Variants in MARCHF3 observed in about 807,000 individuals in gnomAD.
MARCHF3 encodes the protein E3 ubiquitin-protein ligase MARCHF3.
MARCHF3 carries 13 observed loss-of-function variants against 24.2 expected under a neutral mutation model. The observed-to-expected ratio is 0.54, with a 90% CI of 0.35 to 0.85. The LOEUF (loss-of-function observed/expected upper bound fraction) is 0.85. Among genes scored for constraint, MARCHF3 ranks in the 40% least tolerant of loss-of-function variants. The pLI is 0.01. For synonymous variants in MARCHF3, 144 were observed against 137.3 expected, an observed-to-expected ratio of 1.05 and a Z score of -0.34; for missense variants, 276 against 325.0, an observed-to-expected ratio of 0.85 and a Z score of 1.16.
At chr5:126,901,672 T>C (rs942593931) in intron 3 of MARCHF3, among the ~76,000 whole-genome samples, 2 of 152,134 alleles carry the variant, frequency 1.3e-5, no homozygotes, top group African/African-American at 4.8e-5. Context: ...TGTGGAGGGC[T>C]GGCAGGAGCC....
chr5:126,898,811 A>G, intron 3 of MARCHF3: 1 of 972,384 alleles, frequency 1.0e-6, no homozygotes, highest in Non-Finnish European at 1.2e-6. Flanking sequence ...ACTTATTCCA[A>G]CTTTCTATTT....
At chr5:126,900,758 G>A (rs1303416582) in intron 3 of MARCHF3, among the ~76,000 whole-genome samples, 1 of 150,448 alleles carries the variant, frequency 6.6e-6, no homozygotes, top group Non-Finnish European at 1.5e-5. Flanking sequence ...CTGGACTGCA[G>A]TGGCATGATC....
At chr5:126,927,960 C>G (rs890656175) in intron 1 of MARCHF3, among the ~76,000 whole-genome samples, 1 of 152,190 alleles carries the variant, frequency 6.6e-6, no homozygotes, top group Non-Finnish European at 1.5e-5. Flanking sequence ...TACCCTTACA[C>G]GTTTTCATCT....
At chr5:126,908,982 T>C (rs113650984) in intron 3 of MARCHF3, among the ~76,000 whole-genome samples, 7,922 of 152,182 alleles carry the variant, frequency 0.052, 352 homozygotes, top group African/African-American at 0.12. Context: ...ATGATGGTGA[T>C]GTACAGATGG....
At chr5:127,016,910 T>A (rs1398020599) in intron 1 of MARCHF3, among the ~76,000 whole-genome samples, 1 of 152,156 alleles carries the variant, frequency 6.6e-6, no homozygotes, top group Non-Finnish European at 1.5e-5. Flanking sequence ...GTGGCACATA[T>A]ACACCATGGA....
chr5:126,915,417 C>T (rs978903867), intron 2 of MARCHF3, among the ~76,000 whole-genome samples: 1 of 152,218 alleles, frequency 6.6e-6, no homozygotes, highest in African/African-American at 2.4e-5. Context: ...GATATTTTTG[C>T]CTTGAATATA....
In MARCHF3 at chr5:126,888,885, C is replaced by G. The variant is rs540405098; in HGVS notation, c.394-10491G>C. ...GTTCAAGCTATTCTCGTGCCTCAGC[C>G]TCCTGAGTATCTGAGATTACACACA... is the stretch of plus-strand genomic sequence containing the variant. On this transcript the variant is annotated intron_variant, in intron 3 of 4. Coordinates refer to ENST00000308660, the MANE Select transcript of MARCHF3 (RefSeq NM_178450.5). 3.0e-4 allele frequency among the ~76,000 whole-genome samples: 45 copies of G among 152,146 alleles called. No homozygotes were observed. The South Asian group carries it at 7.5e-3, about 25-fold the overall frequency.
intron 4 of MARCHF3, among the ~76,000 whole-genome samples, chr5:126,876,189 C>CT (rs1753150354): frequency 6.6e-6 from 1 of 152,148 alleles, no homozygotes; most frequent in African/African-American, 2.4e-5. Context: ...TTCCAGCCAC[C>CT]TATCACCCTG....
intron 1 of MARCHF3, among the ~76,000 whole-genome samples, chr5:126,933,985 A>G (rs1034826572): frequency 6.6e-6 from 1 of 152,190 alleles, no homozygotes; most frequent in Non-Finnish European, 1.5e-5. Context: ...AGCCTCTTTT[A>G]TTAGCTTCAA....
chr5:126,952,398 G>A (rs1434706450), intron 1 of MARCHF3, among the ~76,000 whole-genome samples: 1 of 152,066 alleles, frequency 6.6e-6, no homozygotes, highest in African/African-American at 2.4e-5. Context: ...TTAAAGGGTG[G>A]TATAAATGGA....
chr5:126,906,492 A>G (rs1754301098), intron 3 of MARCHF3, among the ~76,000 whole-genome samples: 1 of 152,168 alleles, frequency 6.6e-6, no homozygotes, highest in African/African-American at 2.4e-5. Flanking sequence ...CCACAATTTC[A>G]GCTCCTGTCA....
intron 1 of MARCHF3, among the ~76,000 whole-genome samples, chr5:126,920,504 C>A (rs1173103341): frequency 1.3e-5 from 2 of 152,166 alleles, no homozygotes; most frequent in Non-Finnish European, 2.9e-5. Context: ...GACCTTCTTG[C>A]CGCATGGAAT....
intron 1 of MARCHF3, among the ~76,000 whole-genome samples, chr5:126,996,297 C>A (rs74423742): frequency 0.022 from 3,400 of 152,134 alleles, 109 homozygotes; most frequent in African/African-American, 0.078. Context: ...AGAACAGAAC[C>A]AGTTATCTGA....
chr5:126,959,148 A>G (rs1334098156), intron 1 of MARCHF3, among the ~76,000 whole-genome samples: 2 of 152,134 alleles, frequency 1.3e-5, no homozygotes, highest in Non-Finnish European at 2.9e-5. Context: ...GGGAAGGAAT[A>G]ATTTTACTAT....
intron 1 of MARCHF3, among the ~76,000 whole-genome samples, chr5:126,974,311 C>A (rs1751121558): frequency 6.6e-6 from 1 of 152,216 alleles, no homozygotes; most frequent in Admixed American, 6.5e-5. Flanking sequence ...TCCTGGCCCC[C>A]ATCCTTTCCT....
chr5:126,914,083 T>A (rs1754633763), intron 3 of MARCHF3, among the ~76,000 whole-genome samples: 1 of 151,138 alleles, frequency 6.6e-6, no homozygotes, highest in Non-Finnish European at 1.5e-5. Flanking sequence ...ATCCAGGTTC[T>A]TGCCATTCTC....
chr5:126,983,743 G>A (rs1298654271), intron 1 of MARCHF3, among the ~76,000 whole-genome samples: 1 of 152,166 alleles, frequency 6.6e-6, no homozygotes, highest in Non-Finnish European at 1.5e-5. Context: ...TTAACGGGAG[G>A]CAAATCAGAA....
At chr5:126,943,529 G>A (rs1749903122) in intron 1 of MARCHF3, among the ~76,000 whole-genome samples, 1 of 151,622 alleles carries the variant, frequency 6.6e-6, no homozygotes, top group Non-Finnish European at 1.5e-5. Flanking sequence ...GCTGCAGTGT[G>A]CTGTGATTGC....
At chr5:127,002,347 A>C (rs1430575885) in intron 1 of MARCHF3, among the ~76,000 whole-genome samples, 1 of 152,226 alleles carries the variant, frequency 6.6e-6, no homozygotes, top group Non-Finnish European at 1.5e-5. Flanking sequence ...CCTACCACTT[A>C]AGTCTGGCTT....
Sources: allele counts gnomAD v4.1 joint callset (sites outside exome capture counted in the v4.1 genomes callset), GRCh38; gene constraint gnomAD v4.1.1; transcripts MANE v1.5; gene names NCBI Gene and HGNC (gene_info 2026-07-23, HGNC 2026-07-21).